The following KCNB2 variants were observed in gnomAD, a reference collection of about 807,000 sequenced individuals.
KCNB2 encodes the protein delayed rectifier potassium channel protein.
Under a neutral mutation model 61.5 loss-of-function variants are expected in KCNB2, and 15 were observed. The ratio of observed to expected loss-of-function variants is 0.24; its 90% CI spans 0.16 to 0.38. The LOEUF is 0.38. Ranked by LOEUF, KCNB2 falls within the 10% of genes least tolerant of loss-of-function variation. The pLI, the probability that KCNB2 is intolerant of heterozygous loss-of-function variation, is 1.00. For missense variants in KCNB2, 828 were observed against 1,125.2 expected, an observed-to-expected ratio of 0.74 and a Z score of 3.78; for synonymous variants, 457 against 446.0, an observed-to-expected ratio of 1.02 and a Z score of -0.31.
chr8:72,774,310 C>T (rs1055040758), intron 2 of KCNB2, among the ~76,000 whole-genome samples: 7 of 152,040 alleles, frequency 4.6e-5, no homozygotes, highest in Non-Finnish European at 8.8e-5. Flanking sequence ...GTTTTACTTC[C>T]CACCCTTTTA....
chr8:72,800,622 A>G (rs910897254), intron 2 of KCNB2, among the ~76,000 whole-genome samples: 5 of 152,320 alleles, frequency 3.3e-5, no homozygotes, highest in African/African-American at 1.2e-4. Context: ...TAAAAGATTC[A>G]ATATCTAATT....
chr8:72,582,904 G>A (rs1358862358), intron 2 of KCNB2, among the ~76,000 whole-genome samples: 1 of 152,118 alleles, frequency 6.6e-6, no homozygotes, highest in African/African-American at 2.4e-5. Context: ...ACAGGCATGA[G>A]CCACCATGCC....
chr8:72,855,745 C>A (rs1810197149), intron 2 of KCNB2, among the ~76,000 whole-genome samples: 1 of 152,104 alleles, frequency 6.6e-6, no homozygotes, highest in South Asian at 2.1e-4. Context: ...CCCTTTAAGT[C>A]AACTGTCCAG....
At chr8:72,717,008 A>G (rs1301491166) in intron 2 of KCNB2, among the ~76,000 whole-genome samples, 25 of 151,748 alleles carry the variant, frequency 1.6e-4, no homozygotes. Flanking sequence ...AAGCATTCTT[A>G]TACACCAATA....
At chr8:72,700,451 T>G (rs1807100490) in intron 2 of KCNB2, among the ~76,000 whole-genome samples, 1 of 151,852 alleles carries the variant, frequency 6.6e-6, no homozygotes, top group Non-Finnish European at 1.5e-5. Flanking sequence ...CCAATAAACA[T>G]ATGAAAAAAC....
intron 2 of KCNB2, among the ~76,000 whole-genome samples, chr8:72,929,159 A>G (rs1017432758): frequency 1.3e-5 from 2 of 152,182 alleles, no homozygotes; most frequent in African/African-American, 2.4e-5. Context: ...GGGCTTGTGC[A>G]TGCAGCAAGC....
intron 2 of KCNB2, among the ~76,000 whole-genome samples, chr8:72,911,331 T>G (rs1806287058): frequency 6.6e-6 from 1 of 152,246 alleles, no homozygotes; most frequent in African/African-American, 2.4e-5. Flanking sequence ...ACATTTTACA[T>G]GATCTGTGTT....
intron 1 of KCNB2, among the ~76,000 whole-genome samples, chr8:72,546,010 G>T (rs1332498879): frequency 6.6e-6 from 1 of 152,144 alleles, no homozygotes; most frequent in Admixed American, 6.5e-5. Context: ...GCTGAGAGAA[G>T]TGAGTTTTTC....
intron 2 of KCNB2, among the ~76,000 whole-genome samples, chr8:72,728,607 T>C (rs555400999): frequency 3.9e-5 from 6 of 152,300 alleles, no homozygotes; most frequent in Admixed American, 3.9e-4. Context: ...TGATATAATA[T>C]ATAATGTGAT....
At chr8:72,630,833 T>C (rs1246828442) in intron 2 of KCNB2, among the ~76,000 whole-genome samples, 1 of 152,124 alleles carries the variant, frequency 6.6e-6, no homozygotes, top group Non-Finnish European at 1.5e-5. Context: ...AGAAGATACA[T>C]CAGGACACCC....
chr8:72,754,219 C>T (rs1260827332), intron 2 of KCNB2, among the ~76,000 whole-genome samples: 2 of 152,188 alleles, frequency 1.3e-5, no homozygotes, highest in Non-Finnish European at 2.9e-5. Flanking sequence ...ACCACTATGG[C>T]AGTTTCTCAT....
intron 2 of KCNB2, among the ~76,000 whole-genome samples, chr8:72,641,310 A>G (rs752964982): frequency 7.2e-5 from 11 of 152,262 alleles, no homozygotes; most frequent in African/African-American, 1.7e-4. Context: ...AAAGCACCTC[A>G]CAATATACTT....
chr8:72,735,287 A>G (rs1053677810), intron 2 of KCNB2, among the ~76,000 whole-genome samples: 2 of 152,160 alleles, frequency 1.3e-5, no homozygotes, highest in South Asian at 2.1e-4. Flanking sequence ...TTTGCTATAG[A>G]TAAGTATTGA....
Position 72,682,721 on chromosome 8 carries a change from G to A in KCNB2, c.579+114408G>A, listed in dbSNP as rs116954996. On this transcript the variant is annotated intron_variant, in intron 2 of 2. Coordinates refer to ENST00000523207, the MANE Select transcript of KCNB2 (RefSeq NM_004770.3). ...CAATCCTCCCACCTCAGCCTTCTGA[G>A]TAGTTGAGACTACAGGTGTATACCA... Among the ~76,000 whole-genome samples the A allele has an allele frequency of 7.2e-4, 109 of 152,106 alleles. 1 individual carries two copies. The East Asian group carries it at 0.017, about 24-fold the overall frequency.
chr8:72,734,357 A>G lies in KCNB2; in HGVS notation c.579+166044A>G, dbSNP rs559973496. Among the ~76,000 whole-genome samples, 11 of 152,292 alleles carry G rather than the reference A, an allele frequency of 7.2e-5. No individual in the cohort carries two copies. In the East Asian group the frequency reaches 1.7e-3, roughly 24 times the overall value. ...AACCATTTCAAAATATGTCCCCATT[A>G]TTATCACTCAGACTGGTTCACTTAG... is the stretch of plus-strand genomic sequence containing the variant. On this transcript the variant is annotated intron_variant, in intron 2 of 2. Coordinates refer to ENST00000523207, the MANE Select transcript of KCNB2 (RefSeq NM_004770.3).
At chr8:72,708,017 G>A (rs1402289600) in intron 2 of KCNB2, among the ~76,000 whole-genome samples, 2 of 152,164 alleles carry the variant, frequency 1.3e-5, no homozygotes, top group Non-Finnish European at 2.9e-5. Flanking sequence ...ACTGTGTATA[G>A]AGAGGCCCAG....
At chr8:72,706,510 A>C (rs989337537) in intron 2 of KCNB2, among the ~76,000 whole-genome samples, 1 of 152,188 alleles carries the variant, frequency 6.6e-6, no homozygotes, top group Non-Finnish European at 1.5e-5. Flanking sequence ...TTCCCCAGAA[A>C]GGTAAATTAC....
intron 2 of KCNB2, among the ~76,000 whole-genome samples, chr8:72,720,284 T>G (rs960830234): frequency 6.6e-6 from 1 of 152,174 alleles, no homozygotes; most frequent in African/African-American, 2.4e-5. Context: ...GAGATAATGG[T>G]CATGTATAGA....
chr8:72,807,229 G>A (rs914261729), intron 2 of KCNB2, among the ~76,000 whole-genome samples: 1 of 152,164 alleles, frequency 6.6e-6, no homozygotes, highest in African/African-American at 2.4e-5. Flanking sequence ...CAGCCATGTA[G>A]GTTATGTCCT....
Sources: gnomAD v4.1 joint callset for allele counts (sites outside exome capture counted in the v4.1 genomes callset) on GRCh38, gnomAD v4.1.1 for gene constraint, MANE v1.5 for transcripts, NCBI Gene and HGNC (gene_info 2026-07-23, HGNC 2026-07-21) for gene names.